Variants in FMN1 observed in about 807,000 individuals in gnomAD.
FMN1 encodes formin 1.
FMN1 carries 110 observed loss-of-function variants against 132.4 expected under a neutral mutation model. That is an observed-to-expected ratio of 0.83 (90% CI 0.71 to 0.97). FMN1 has a LOEUF of 0.97. Among genes scored for constraint, FMN1 ranks in the 50% least tolerant of loss-of-function variants. FMN1 has a pLI of 0.00. For missense variants in FMN1, 1,792 were observed against 1,705.3 expected, an observed-to-expected ratio of 1.05 and a Z score of -0.90; for synonymous variants, 722 against 651.7, an observed-to-expected ratio of 1.11 and a Z score of -1.64.
rs766920409 is a variant in FMN1 at position 32,910,543 on chromosome 15, G to T, written c.3227-8C>A. On this transcript the variant is annotated splice_polypyrimidine_tract_variant and splice_region_variant and intron_variant, in intron 10 of 20. Coordinates refer to ENST00000616417, the MANE Select transcript of FMN1 (RefSeq NM_001277313.2). ...CATCCACATTGAAAATGGCTGCCAA[G>T]CACCCAAAAAGAAAAGAGGATAAGG... The T allele has an allele frequency of 1.9e-6, 3 of 1,562,456 alleles. No homozygotes were observed. The African/African-American group carries it at 4.1e-5, about 21-fold the overall frequency.
intron 4 of FMN1, among the ~76,000 whole-genome samples, chr15:33,097,208 G>A (rs1443024034): frequency 6.6e-6 from 1 of 151,758 alleles, no homozygotes; most frequent in African/African-American, 2.4e-5. Flanking sequence ...GAGGTGGGAG[G>A]ATCACTTGTT....
chr15:33,099,565 T>C (rs901585888), intron 4 of FMN1, among the ~76,000 whole-genome samples: 4 of 152,158 alleles, frequency 2.6e-5, no homozygotes, highest in African/African-American at 7.2e-5. Context: ...AAAATTGTCA[T>C]AACCCTAAAA....
At chr15:33,006,339 G>A (rs1228875591) in intron 7 of FMN1, among the ~76,000 whole-genome samples, 1 of 152,122 alleles carries the variant, frequency 6.6e-6, no homozygotes, top group Non-Finnish European at 1.5e-5. Flanking sequence ...AAACCACGAT[G>A]AGATATCACT....
chr15:33,094,577 A>G (rs1030853028), intron 4 of FMN1, among the ~76,000 whole-genome samples: 4 of 152,254 alleles, frequency 2.6e-5, no homozygotes, highest in African/African-American at 9.6e-5. Context: ...TCTGGAAACA[A>G]CAGCTCCTCA....
At chr15:33,001,552 C>T (rs1306487130) in intron 7 of FMN1, among the ~76,000 whole-genome samples, 1 of 140,844 alleles carries the variant, frequency 7.1e-6, no homozygotes, top group Non-Finnish European at 1.6e-5. Context: ...CCTCATCCTC[C>T]TCCTCCTCCC....
At chr15:33,138,488 G>A (rs1030952771) in intron 4 of FMN1, among the ~76,000 whole-genome samples, 2 of 152,056 alleles carry the variant, frequency 1.3e-5, no homozygotes, top group African/African-American at 4.8e-5. Context: ...AACGTTCCCA[G>A]CGAGATACTG....
chr15:32,767,668 T>G lies in FMN1; in HGVS notation c.*6642A>C, dbSNP rs1567133455. 1 of 152,222 alleles carries G rather than the reference T, an allele frequency of 6.6e-6. No individual in the cohort carries two copies. Among genetic ancestry groups the G allele is most frequent in the Admixed American group, 6.5e-5 (1 of 15,278 alleles). 9.4% of individuals were successfully genotyped at this position (152,222 alleles called of 1,614,324 possible). ...AAGTTCTTTTTATTAATGCATACTC[T>G]CTTTGAAGATAAGACATCTAGCTGA... On this transcript the variant is annotated 3_prime_UTR_variant, in exon 21 of 21. Coordinates refer to ENST00000616417, the MANE Select transcript of FMN1 (RefSeq NM_001277313.2).
Position 32,836,688 on chromosome 15 carries a change from GTCTC to G in FMN1, c.3928+20323_3928+20326del, listed in dbSNP as rs575982949. ...ATTGCTTGAGCATACATCTCCCTCA[GTCTC>G]TCTCTTTTTTTTTAGAATGCAAAGT... On this transcript the variant is annotated intron_variant, in intron 17 of 20. Transcript: ENST00000616417. Among the ~76,000 whole-genome samples, 914 of 152,150 alleles carry G rather than the reference GTCTC, an allele frequency of 6.0e-3. 6 individuals carry two copies. Among genetic ancestry groups the G allele is most frequent in the African/African-American group, 0.02 (850 of 41,516 alleles).
At chr15:32,993,194 C>A (rs1239112849) in intron 7 of FMN1, among the ~76,000 whole-genome samples, 1 of 151,922 alleles carries the variant, frequency 6.6e-6, no homozygotes, top group Non-Finnish European at 1.5e-5. Context: ...CACTTCCTTG[C>A]CATTTGGTAT....
At chr15:33,056,214 A>C (rs559626634) in intron 6 of FMN1, among the ~76,000 whole-genome samples, 12 of 152,350 alleles carry the variant, frequency 7.9e-5, no homozygotes, top group Non-Finnish European at 1.6e-4. Context: ...CCCAAAAGAA[A>C]TGTCTCCCTG....
At chr15:33,066,915 G>A (rs1003891527) in intron 5 of FMN1, 1 of 1,613,938 alleles carries the variant, frequency 6.2e-7, no homozygotes, top group South Asian at 1.1e-5. Flanking sequence ...TTCACTGTCT[G>A]CAGCCCTGCC....
rs74683063 is a variant in FMN1, at chr15:33,140,593, T to C, written c.1867+12455A>G. On this transcript the variant is annotated intron_variant, in intron 4 of 20. Coordinates refer to ENST00000616417, the MANE Select transcript of FMN1 (RefSeq NM_001277313.2). ...CTGGTGATCTAGTGTCAGACTCACA[T>C]GTAAACAAATAATTACAACAATGTA... Among the ~76,000 whole-genome samples the C allele has an allele frequency of 9.2e-5, 14 of 152,308 alleles. 1 individual carries two copies. In the East Asian group the frequency reaches 1.7e-3, roughly 19 times the overall value.
At chr15:32,902,982 T>G (rs540065646) in intron 12 of FMN1, among the ~76,000 whole-genome samples, 1 of 152,228 alleles carries the variant, frequency 6.6e-6, no homozygotes, top group Non-Finnish European at 1.5e-5. Context: ...CCAAGGAATT[T>G]TGCCATCTCT....
intron 3 of FMN1, among the ~76,000 whole-genome samples, chr15:33,167,200 G>A (rs188696863): frequency 3.7e-4 from 56 of 152,202 alleles, no homozygotes; most frequent in South Asian, 3.3e-3. Flanking sequence ...GGCCAGGTGG[G>A]GATAACTGAA....
rs755873674 is a variant in FMN1, at chr15:32,953,053, C to T, written c.3138+11054G>A. On this transcript the variant is annotated intron_variant, in intron 9 of 20. Transcript: ENST00000616417. Reference sequence around the variant, plus strand: ...TCCCACTCACATGTAAGGGGCTTGGCGGCTAAGAAATCCAGCTGGAAGCGA... The same window carrying T: ...TCCCACTCACATGTAAGGGGCTTGGTGGCTAAGAAATCCAGCTGGAAGCGA... Among the ~76,000 whole-genome samples, 6 of 152,186 alleles carry T rather than the reference C, an allele frequency of 3.9e-5. No individual in the cohort carries two copies. In the South Asian group the frequency reaches 6.2e-4, roughly 16 times the overall value.
intron 4 of FMN1, among the ~76,000 whole-genome samples, chr15:33,106,703 G>A (rs1273944986): frequency 6.6e-6 from 1 of 152,006 alleles, no homozygotes; most frequent in African/African-American, 2.4e-5. Flanking sequence ...TTCTGTGGGA[G>A]GATGACCTTT....
rs146188038 is a variant in FMN1 at position 33,115,159 on chromosome 15, A to G, written c.1868-26185T>C. Among the ~76,000 whole-genome samples, 16 of 152,320 alleles carry G rather than the reference A, an allele frequency of 1.1e-4. No homozygotes were observed. The East Asian group carries it at 2.5e-3, about 24-fold the overall frequency. The stretch of plus-strand genomic sequence containing the variant: ...TCAAGGAGTCCAGTCTCCCATGGGG[A>G]AAATGAAGAACTAAATAAATTCTTA... On this transcript the variant is annotated intron_variant, in intron 4 of 20. Coordinates refer to ENST00000616417, the MANE Select transcript of FMN1 (RefSeq NM_001277313.2).
At chr15:33,125,726 A>C (rs1962997113) in intron 4 of FMN1, among the ~76,000 whole-genome samples, 1 of 150,016 alleles carries the variant, frequency 6.7e-6, no homozygotes, top group Admixed American at 6.6e-5. Context: ...AAAATTAAGA[A>C]TGAAGTCTGT....
chr15:32,999,652 TG>T (rs2033979371), intron 7 of FMN1, among the ~76,000 whole-genome samples: 1 of 152,284 alleles, frequency 6.6e-6, no homozygotes, highest in Middle Eastern at 3.4e-3. Context: ...ATGTGATAAA[TG>T]GGGTAAACGA....
Sources: allele counts gnomAD v4.1 joint callset (sites outside exome capture counted in the v4.1 genomes callset), GRCh38; gene constraint gnomAD v4.1.1; transcripts MANE v1.5; gene names NCBI Gene and HGNC (gene_info 2026-07-23, HGNC 2026-07-21).